Variants in RASGRF2 observed in about 807,000 individuals in gnomAD.
RASGRF2 encodes the protein ras-specific guanine nucleotide-releasing factor 2.
In RASGRF2, 76 loss-of-function variants were observed where a neutral mutation model predicts 151.0. That is an observed-to-expected ratio of 0.50 (90% CI 0.42 to 0.61). The LOEUF is 0.61. Among genes scored for constraint, RASGRF2 ranks in the 20% least tolerant of loss-of-function variants. RASGRF2 has a pLI of 0.00. For synonymous variants in RASGRF2, 504 were observed against 566.5 expected, an observed-to-expected ratio of 0.89 and a Z score of 1.57; for missense variants, 1,148 against 1,564.6, an observed-to-expected ratio of 0.73 and a Z score of 4.49.
intron 15 of RASGRF2, among the ~76,000 whole-genome samples, chr5:81,115,882 G>A (rs1753137445): frequency 6.6e-6 from 1 of 152,104 alleles, no homozygotes; most frequent in African/African-American, 2.4e-5. Context: ...GGTATAAGAG[G>A]TGTAGATAGA....
intron 1 of RASGRF2, among the ~76,000 whole-genome samples, chr5:81,036,863 C>T (rs1750516125): frequency 6.6e-6 from 1 of 152,104 alleles, no homozygotes; most frequent in Non-Finnish European, 1.5e-5. Context: ...CAAAAGAATA[C>T]ATACAAGGAC....
chr5:81,086,368 C>T (rs899036261), intron 8 of RASGRF2, among the ~76,000 whole-genome samples: 44 of 152,176 alleles, frequency 2.9e-4, no homozygotes, highest in African/African-American at 1.1e-3. Flanking sequence ...CTCTCAGTTG[C>T]ATTTTGTATT....
chr5:80,999,020 C>T (rs1003511486), intron 1 of RASGRF2, among the ~76,000 whole-genome samples: 3 of 152,136 alleles, frequency 2.0e-5, no homozygotes, highest in African/African-American at 7.2e-5. Flanking sequence ...GCTAGCCCCT[C>T]GTTATTGTAC....
chr5:81,196,210 G>A (rs554458507), intron 18 of RASGRF2, among the ~76,000 whole-genome samples: 1 of 152,314 alleles, frequency 6.6e-6, no homozygotes, highest in Admixed American at 6.5e-5. Context: ...AGTGAGCCCA[G>A]ATTGTGCCAC....
At chr5:81,015,609 A>G (rs1272921456) in intron 1 of RASGRF2, among the ~76,000 whole-genome samples, 1 of 151,904 alleles carries the variant, frequency 6.6e-6, no homozygotes, top group African/African-American at 2.4e-5. Flanking sequence ...CTATTGGTGT[A>G]TTTAGCTTTT....
At chr5:81,076,456 G>A (rs73766181) in intron 5 of RASGRF2, among the ~76,000 whole-genome samples, 6,968 of 151,996 alleles carry the variant, frequency 0.046, 467 homozygotes, top group African/African-American at 0.16. Flanking sequence ...TCCGCTGATG[G>A]GGCAGATGGG....
chr5:80,999,558 T>C lies in RASGRF2; in HGVS notation c.288+38532T>C, dbSNP rs563304983. Among the ~76,000 whole-genome samples the C allele has an allele frequency of 2.0e-4, 31 of 152,196 alleles. 1 individual carries two copies. In the South Asian group the frequency reaches 5.8e-3, roughly 29 times the overall value. ...TTATGTTGTAGAGATGGGGTTTTGCTGTGTTGCTGAGGCTGGTCTTGAACT... is the reference window on the plus strand; with the variant it reads ...TTATGTTGTAGAGATGGGGTTTTGCCGTGTTGCTGAGGCTGGTCTTGAACT... On this transcript the variant is annotated intron_variant, in intron 1 of 26. Transcript: ENST00000265080.
chr5:81,020,604 C>T (rs1041733521), intron 1 of RASGRF2, among the ~76,000 whole-genome samples: 1 of 152,260 alleles, frequency 6.6e-6, no homozygotes, highest in African/African-American at 2.4e-5. Context: ...GGACAGCTCT[C>T]AGCCAGTGTG....
At chr5:81,006,545 A>G (rs1164894313) in intron 1 of RASGRF2, among the ~76,000 whole-genome samples, 1 of 152,198 alleles carries the variant, frequency 6.6e-6, no homozygotes, top group African/African-American at 2.4e-5. Context: ...ACCCCAGAGC[A>G]GCTAACCCAC....
intron 1 of RASGRF2, among the ~76,000 whole-genome samples, chr5:80,971,767 G>T (rs1319123358): frequency 6.6e-6 from 1 of 151,472 alleles, no homozygotes; most frequent in Non-Finnish European, 1.5e-5. Flanking sequence ...ACAGGCTTTC[G>T]CCATATTGCC....
intron 1 of RASGRF2, among the ~76,000 whole-genome samples, chr5:81,029,132 G>A (rs1727108614): frequency 6.6e-6 from 1 of 152,202 alleles, no homozygotes. Flanking sequence ...GGCTTGAGTA[G>A]GTAAACAAAG....
chr5:81,151,494 G>A (rs1375334006), intron 17 of RASGRF2, among the ~76,000 whole-genome samples: 1 of 150,376 alleles, frequency 6.6e-6, no homozygotes, highest in Non-Finnish European at 1.5e-5. Context: ...CTTGCCCATT[G>A]ACACTCTTCT....
chr5:81,062,026 T>G (rs1485727238), intron 2 of RASGRF2, among the ~76,000 whole-genome samples: 1 of 130,134 alleles, frequency 7.7e-6, no homozygotes, highest in African/African-American at 2.8e-5. Context: ...AAAAAAAAAC[T>G]GTAGAGATGA....
At chr5:81,062,016 A>AAC (rs1554090619) in intron 2 of RASGRF2, among the ~76,000 whole-genome samples, 22,026 of 126,252 alleles carry the variant, frequency 0.17, 3,255 homozygotes, top group Middle Eastern at 0.34. Flanking sequence ...AAAAAAAAAA[A>AAC]AAAAAAAACT....
At chr5:81,015,376 C>T (rs545769662) in intron 1 of RASGRF2, among the ~76,000 whole-genome samples, 72 of 151,926 alleles carry the variant, frequency 4.7e-4, no homozygotes, top group African/African-American at 1.6e-3. Flanking sequence ...AATTTAGAAT[C>T]CCAGAACTTA....
intron 17 of RASGRF2, among the ~76,000 whole-genome samples, chr5:81,136,707 T>G (rs1244001025): frequency 6.6e-6 from 1 of 152,194 alleles, no homozygotes; most frequent in Non-Finnish European, 1.5e-5. Context: ...AATATTTCTT[T>G]GACTCAGTTC....
chr5:81,094,714 A>C, intron 11 of RASGRF2, 142 bp from the exon 12 acceptor site: 3 of 879,024 alleles, frequency 3.4e-6, no homozygotes, highest in Non-Finnish European at 1.7e-6. Flanking sequence ...AGCCCTCTTC[A>C]TGCCTGAGAA....
intron 12 of RASGRF2, among the ~76,000 whole-genome samples, chr5:81,099,041 G>A (rs1476375885): frequency 2.0e-5 from 3 of 152,174 alleles, no homozygotes; most frequent in Admixed American, 6.5e-5. Flanking sequence ...AATTACGTGA[G>A]GACTGTTTTT....
chr5:81,177,813 A>T (rs1754810158), intron 17 of RASGRF2, among the ~76,000 whole-genome samples: 1 of 152,190 alleles, frequency 6.6e-6, no homozygotes, highest in African/African-American at 2.4e-5. Flanking sequence ...CTAAGTGAAA[A>T]GAGGAGTGAT....
Sources: gnomAD v4.1 joint callset for allele counts (sites outside exome capture counted in the v4.1 genomes callset) on GRCh38, gnomAD v4.1.1 for gene constraint, MANE v1.5 for transcripts, NCBI Gene and HGNC (gene_info 2026-07-23, HGNC 2026-07-21) for gene names.